C9orf85: variants seen among roughly 807,000 people sequenced by gnomAD.
C9orf85 encodes uncharacterized protein C9orf85.
In C9orf85, 16 loss-of-function variants were observed where a neutral mutation model predicts 14.9. That is an observed-to-expected ratio of 1.08 (90% CI 0.73 to 1.63). C9orf85 has a LOEUF of 1.63. Ranked by LOEUF, C9orf85 falls within the 40% of genes most tolerant of loss-of-function variation. The pLI is 0.00. For missense variants in C9orf85, 172 were observed against 186.1 expected, an observed-to-expected ratio of 0.92 and a Z score of 0.44; for synonymous variants, 45 against 56.8, an observed-to-expected ratio of 0.79 and a Z score of 0.93.
chr9:71,976,384 CG>C (rs1318734510), downstream of C9orf85, among the ~76,000 whole-genome samples: 1 of 152,056 alleles, frequency 6.6e-6, no homozygotes, highest in Non-Finnish European at 1.5e-5. Context: ...AATTATTGGC[CG>C]GGCACGGTGG....
intron 2 of C9orf85, among the ~76,000 whole-genome samples, chr9:71,963,437 C>T (rs983436390): frequency 2.0e-5 from 3 of 152,098 alleles, no homozygotes; most frequent in African/African-American, 2.4e-5. Context: ...CCCACTTTGG[C>T]GGCACTTGAG....
chr9:71,968,107 G>GAGAA (rs1436370122), intron 2 of C9orf85, among the ~76,000 whole-genome samples: 3 of 150,408 alleles, frequency 2.0e-5, no homozygotes, highest in Non-Finnish European at 4.4e-5. Flanking sequence ...TATATAGAGA[G>GAGAA]AGAGAGAGAG....
intron 1 of C9orf85, among the ~76,000 whole-genome samples, chr9:71,946,143 TA>T (rs1321177989): frequency 3.3e-5 from 5 of 152,162 alleles, no homozygotes; most frequent in Non-Finnish European, 7.4e-5. Flanking sequence ...ACCAAGTTAG[TA>T]GGGGGAACTT....
chr9:71,944,034 G>A (rs1219095610), intron 1 of C9orf85, among the ~76,000 whole-genome samples: 2 of 151,596 alleles, frequency 1.3e-5, no homozygotes, highest in African/African-American at 2.4e-5. Context: ...CCAGGAGTTC[G>A]AGACCAGCCT....
At chr9:71,978,498 G>T (rs1024355869) in intron 3 of C9orf85, among the ~76,000 whole-genome samples, 12 of 152,052 alleles carry the variant, frequency 7.9e-5, no homozygotes, top group Admixed American at 7.9e-4. Context: ...TTTTTTTACA[G>T]ATACCTTGAG....
intron 2 of C9orf85, among the ~76,000 whole-genome samples, chr9:71,956,216 T>C (rs1822375230): frequency 1.3e-5 from 2 of 151,294 alleles, no homozygotes; most frequent in Non-Finnish European, 1.5e-5. Context: ...GGTATCACAA[T>C]TGGTAATAGG....
chr9:71,917,096 C>G (rs915783465), intron 1 of C9orf85, among the ~76,000 whole-genome samples: 3 of 152,084 alleles, frequency 2.0e-5, no homozygotes, highest in Non-Finnish European at 4.4e-5. Context: ...GAGGACAATT[C>G]AAAGGGCAAG....
At chr9:71,963,081 A>ATGAC (rs1314291332) in intron 2 of C9orf85, among the ~76,000 whole-genome samples, 2 of 152,080 alleles carry the variant, frequency 1.3e-5, no homozygotes, top group African/African-American at 2.4e-5. Context: ...TTGTGTTACT[A>ATGAC]TGACAACAGT....
At position 71,972,672 on chromosome 9, in the gene C9orf85, AT is replaced by A; in HGVS notation, c.324-14del. 1 of 1,520,194 alleles carries A rather than the reference AT, an allele frequency of 6.6e-7. No individual in the cohort carries two copies. Among genetic ancestry groups the A allele is most frequent in the Admixed American group, 2.0e-5 (1 of 50,230 alleles). 94.2% of individuals were successfully genotyped at this position (1,520,194 alleles called of 1,614,324 possible). ...ATGATAGCCTGGGAAATAAATAGAA[AT>A]TTTTTCTTTCATCTTTAGGTTGAAT... On this transcript the variant is annotated intron_variant, in intron 3 of 3. Coordinates refer to ENST00000334731, the MANE Select transcript of C9orf85 (RefSeq NM_182505.5).
At chr9:71,977,657 G>C (rs1356473007), downstream of C9orf85, among the ~76,000 whole-genome samples, 2 of 152,086 alleles carry the variant, frequency 1.3e-5, no homozygotes, top group South Asian at 2.1e-4. Context: ...ACACATCTTT[G>C]TCCCTTCCTT....
intron 2 of C9orf85, among the ~76,000 whole-genome samples, chr9:71,952,101 T>C (rs1330907927): frequency 6.6e-6 from 1 of 152,170 alleles, no homozygotes; most frequent in East Asian, 1.9e-4. Context: ...AGGATTATAC[T>C]TCTTACCAAG....
At chr9:71,953,152 TAAAG>T (rs888107929) in intron 2 of C9orf85, among the ~76,000 whole-genome samples, 1 of 152,044 alleles carries the variant, frequency 6.6e-6, no homozygotes, top group African/African-American at 2.4e-5. Flanking sequence ...CCCGCCACAA[TAAAG>T]AAACACCCAG....
rs1010386590 is a variant in C9orf85, at chr9:71,918,429, T to C, written c.102+6593T>C. 6.1e-6 allele frequency: 8 copies of C among 1,303,278 alleles called. No individual in the cohort carries two copies. The African/African-American group carries it at 1.1e-4, about 17-fold the overall frequency. 80.7% of individuals were successfully genotyped at this position (1,303,278 alleles called of 1,614,324 possible). A position where few individuals can be genotyped will look rare whatever the true frequency, so the allele number is the denominator to read the frequency against. ...TCATCTTTACCTTTTTGTAAGTCTT[T>C]ATCTGCAAACTCTAGTCATGATGTT... On this transcript the variant is annotated intron_variant, in intron 1 of 3. Transcript: ENST00000334731.
At position 71,938,190 on chromosome 9, in the gene C9orf85, A is replaced by G. The variant is rs188373490; in HGVS notation, c.103-8816A>G. ...GGCTTATAGGTTTGAAAGTTTTCAT[A>G]TAGTAGGGGTGTTCTGTCTGTAGGA... On this transcript the variant is annotated intron_variant, in intron 1 of 3. Transcript: ENST00000334731. Among the ~76,000 whole-genome samples, 6 of 152,226 alleles carry G rather than the reference A, an allele frequency of 3.9e-5. No individual in the cohort carries two copies. In the South Asian group the frequency reaches 6.2e-4, roughly 16 times the overall value.
At chr9:71,948,813 G>GCCC (rs34309232) in intron 2 of C9orf85, among the ~76,000 whole-genome samples, 1 of 75,838 alleles carries the variant, frequency 1.3e-5, no homozygotes, top group African/African-American at 4.9e-5. Flanking sequence ...CGTGAGCCAC[G>GCCC]CCCCCCCCCC....
At position 71,966,602 on chromosome 9, in the gene C9orf85, G is replaced by A. The variant is rs1214931906; in HGVS notation, c.210-4903G>A. Among the ~76,000 whole-genome samples, 6 of 152,192 alleles carry A rather than the reference G, an allele frequency of 3.9e-5. No homozygotes were observed. The East Asian group carries it at 9.6e-4, about 24-fold the overall frequency. The stretch of plus-strand genomic sequence containing the variant: ...TGTACAAATTTTATTGTGTGCATAC[G>A]TGTGCACAGGAGTCATGACTATAAA... On this transcript the variant is annotated intron_variant, in intron 2 of 3. Coordinates refer to ENST00000334731, the MANE Select transcript of C9orf85 (RefSeq NM_182505.5).
chr9:71,921,926 T>TA (rs1491027109), intron 1 of C9orf85, among the ~76,000 whole-genome samples: 2,345 of 39,262 alleles, frequency 0.06, 69 homozygotes, highest in African/African-American at 0.14. Context: ...TTTTATTTTT[T>TA]TTTTATTATT....
intron 1 of C9orf85, among the ~76,000 whole-genome samples, chr9:71,936,968 A>G (rs1828206335): frequency 6.6e-6 from 1 of 151,976 alleles, no homozygotes; most frequent in African/African-American, 2.4e-5. Flanking sequence ...TGTGTTGCCC[A>G]GGCTGGTCTC....
chr9:71,914,048 C>T (rs569083102), intron 1 of C9orf85, among the ~76,000 whole-genome samples: 39 of 152,288 alleles, frequency 2.6e-4, no homozygotes, highest in African/African-American at 8.7e-4. Context: ...TAATGAATAG[C>T]TAATAATTGT....
Sources: gnomAD v4.1 joint callset for allele counts (sites outside exome capture counted in the v4.1 genomes callset) on GRCh38, gnomAD v4.1.1 for gene constraint, MANE v1.5 for transcripts, NCBI Gene and HGNC (gene_info 2026-07-23, HGNC 2026-07-21) for gene names.